PPM1H: variants seen among roughly 807,000 people sequenced by gnomAD.
The protein encoded by PPM1H is protein phosphatase, Mg2+/Mn2+ dependent 1H, also known as protein phosphatase 1H.
PPM1H carries 27 observed loss-of-function variants against 54.9 expected under a neutral mutation model. The ratio of observed to expected loss-of-function variants is 0.49; its 90% CI spans 0.36 to 0.68. PPM1H has a LOEUF of 0.68. Among genes scored for constraint, PPM1H ranks in the 30% least tolerant of loss-of-function variants. The pLI is 0.00. For synonymous variants in PPM1H, 305 were observed against 270.8 expected, an observed-to-expected ratio of 1.13 and a Z score of -1.24; for missense variants, 596 against 667.8, an observed-to-expected ratio of 0.89 and a Z score of 1.19.
At chr12:62,728,694 C>T (rs914989181) in intron 5 of PPM1H, among the ~76,000 whole-genome samples, 1 of 152,080 alleles carries the variant, frequency 6.6e-6, no homozygotes, top group African/African-American at 2.4e-5. Context: ...CTGAGCTCCA[C>T]CTTCCTGGGC....
At chr12:62,908,647 G>A (rs900186379) in intron 1 of PPM1H, among the ~76,000 whole-genome samples, 1 of 152,106 alleles carries the variant, frequency 6.6e-6, no homozygotes. Flanking sequence ...CATAGTAGGG[G>A]CTGCAACCAC....
intron 1 of PPM1H, among the ~76,000 whole-genome samples, chr12:62,924,887 C>CA (rs1217541638): frequency 1.3e-5 from 2 of 151,808 alleles, no homozygotes; most frequent in Non-Finnish European, 2.9e-5. Context: ...ACCAAAAATA[C>CA]AAAAAATTAG....
chr12:62,739,384 C>T (rs770852298), intron 4 of PPM1H, among the ~76,000 whole-genome samples: 2 of 151,944 alleles, frequency 1.3e-5, no homozygotes, highest in African/African-American at 2.4e-5. Flanking sequence ...TGGAGAAACA[C>T]AGGAGAATTT....
At chr12:62,742,630 T>C (rs2076388020) in intron 4 of PPM1H, among the ~76,000 whole-genome samples, 1 of 152,220 alleles carries the variant, frequency 6.6e-6, no homozygotes, top group African/African-American at 2.4e-5. Flanking sequence ...ATGCTTTTCC[T>C]AAGGAAAATT....
intron 8 of PPM1H, among the ~76,000 whole-genome samples, chr12:62,672,934 G>A (rs912438676): frequency 6.6e-6 from 1 of 152,198 alleles, no homozygotes; most frequent in African/African-American, 2.4e-5. Flanking sequence ...AGGGGAAGGA[G>A]AGTGGAAGAA....
chr12:62,841,857 C>T (rs1868763573), intron 1 of PPM1H, among the ~76,000 whole-genome samples: 1 of 152,084 alleles, frequency 6.6e-6, no homozygotes, highest in Non-Finnish European at 1.5e-5. Flanking sequence ...CATAGATTTC[C>T]CCCCATAAAT....
At chr12:62,773,063 G>T (rs1418006282) in intron 4 of PPM1H, among the ~76,000 whole-genome samples, 1 of 152,182 alleles carries the variant, frequency 6.6e-6, no homozygotes, top group African/African-American at 2.4e-5. Flanking sequence ...CAGGAGAATC[G>T]CTTGAACCAG....
intron 1 of PPM1H, among the ~76,000 whole-genome samples, chr12:62,839,537 T>C (rs956043698): frequency 2.6e-5 from 4 of 152,126 alleles, no homozygotes; most frequent in African/African-American, 7.2e-5. Flanking sequence ...AGATAGGACA[T>C]GTCCTTGCTA....
Position 62,655,478 on chromosome 12 carries a change from G to C in PPM1H, c.1398-6842C>G, listed in dbSNP as rs564779350. ...GGTTGGTGACAGTGAAAGTGCTTAA[G>C]GTGGTATTAAAACAGGAAGGCTTTA... On this transcript the variant is annotated intron_variant, in intron 9 of 9. Coordinates refer to ENST00000228705, the MANE Select transcript of PPM1H (RefSeq NM_020700.2). Among the ~76,000 whole-genome samples, 3 of 152,320 alleles carry C rather than the reference G, an allele frequency of 2.0e-5. No individual in the cohort carries two copies. The South Asian group carries it at 6.2e-4, about 32-fold the overall frequency.
chr12:62,666,034 A>G (rs1204428817), intron 9 of PPM1H, among the ~76,000 whole-genome samples: 1 of 151,866 alleles, frequency 6.6e-6, no homozygotes, highest in African/African-American at 2.4e-5. Flanking sequence ...TGGCTAAAAA[A>G]AAATTTCTGA....
At chr12:62,780,835 T>C (rs1391222581) in intron 4 of PPM1H, among the ~76,000 whole-genome samples, 1 of 152,134 alleles carries the variant, frequency 6.6e-6, no homozygotes, top group Non-Finnish European at 1.5e-5. Context: ...TACTACAAAG[T>C]TTCCTCCTGG....
chr12:62,742,149 A>G (rs754702469), intron 4 of PPM1H, among the ~76,000 whole-genome samples: 1 of 152,180 alleles, frequency 6.6e-6, no homozygotes, highest in African/African-American at 2.4e-5. Flanking sequence ...TTCACACACA[A>G]TGAGGTATCT....
At chr12:62,867,600 CAG>C (rs1316482631) in intron 1 of PPM1H, among the ~76,000 whole-genome samples, 7 of 69,430 alleles carry the variant, frequency 1.0e-4, no homozygotes, top group African/African-American at 5.3e-4. Context: ...TTTTTTGAGA[CAG>C]AGTCTCACTC....
Position 62,934,397 on chromosome 12 carries a change from C to A in PPM1H, c.245+95G>T. ...CCTGGACGCCGGCAGCTAGTGAGAG[C>A]CCTGAGGCCGAGAAGCAGGGAGAGA... On this transcript the variant is annotated intron_variant, in intron 1 of 9. Transcript: ENST00000228705. The surrounding 1 kb of genome is among the most constrained non-coding windows in gnomAD (Gnocchi z 4.2). 7.2e-7 allele frequency: 1 copy of A among 1,392,240 alleles called. No individual in the cohort carries two copies. The allele number at this position is 1,392,240 out of a possible 1,614,324, so 86.2% of individuals were successfully genotyped here.
intron 8 of PPM1H, among the ~76,000 whole-genome samples, chr12:62,671,207 T>C (rs972405587): frequency 1.3e-5 from 2 of 152,022 alleles, no homozygotes; most frequent in Non-Finnish European, 2.9e-5. Flanking sequence ...GCTCTGAAGC[T>C]CCCCAGGACT....
chr12:62,895,669 C>T (rs1344394296), intron 1 of PPM1H, among the ~76,000 whole-genome samples: 1 of 152,162 alleles, frequency 6.6e-6, no homozygotes, highest in Non-Finnish European at 1.5e-5. Flanking sequence ...TGAGTGACTT[C>T]TCTTCATTCC....
intron 8 of PPM1H, among the ~76,000 whole-genome samples, chr12:62,670,080 C>T (rs1187345879): frequency 3.0e-5 from 4 of 131,404 alleles, no homozygotes; most frequent in Admixed American, 1.8e-4. Context: ...CAGGTTGAAG[C>T]GATTCTCCTG....
At chr12:62,730,088 C>A (rs2076312119) in intron 5 of PPM1H, among the ~76,000 whole-genome samples, 1 of 152,130 alleles carries the variant, frequency 6.6e-6, no homozygotes, top group Non-Finnish European at 1.5e-5. Context: ...GAACAACCCC[C>A]CTTTGACTGT....
At chr12:62,866,082 T>G (rs547841198) in intron 1 of PPM1H, among the ~76,000 whole-genome samples, 4 of 152,300 alleles carry the variant, frequency 2.6e-5, no homozygotes, top group East Asian at 3.9e-4. Context: ...TTATGTCAGA[T>G]GTGGGAGGGG....
Sources: allele counts gnomAD v4.1 joint callset (sites outside exome capture counted in the v4.1 genomes callset), GRCh38; gene constraint gnomAD v4.1.1; non-coding constraint Gnocchi (gnomAD v3.1); transcripts MANE v1.5; gene names NCBI Gene and HGNC (gene_info 2026-07-23, HGNC 2026-07-21).